PCDHA9: variants seen among roughly 807,000 people sequenced by gnomAD.
The protein encoded by PCDHA9 is protocadherin alpha-9.
PCDHA9 carries 62 observed loss-of-function variants against 62.0 expected under a neutral mutation model. That is an observed-to-expected ratio of 1.00 (90% CI 0.81 to 1.23). The LOEUF (loss-of-function observed/expected upper bound fraction) is 1.23. Ranked by LOEUF, PCDHA9 falls within the 50% of genes most tolerant of loss-of-function variation. The pLI, the probability that PCDHA9 is intolerant of heterozygous loss-of-function variation, is 0.00. For missense variants in PCDHA9, 1,205 were observed against 1,249.8 expected (o/e 0.96, Z 0.54); for synonymous variants, 557 against 567.6 (o/e 0.98, Z 0.27).
intron 1 of PCDHA9, among the ~76,000 whole-genome samples, chr5:140,912,823 G>C (rs2076078264): frequency 6.6e-6 from 1 of 152,090 alleles, no homozygotes; most frequent in Non-Finnish European, 1.5e-5. Context: ...AAGGGATTTT[G>C]AATTTTATTA....
intron 3 of PCDHA9, among the ~76,000 whole-genome samples, chr5:140,997,957 C>T (rs1051643572): frequency 6.6e-5 from 10 of 152,156 alleles, no homozygotes; most frequent in East Asian, 1.9e-4. Context: ...TTGGCATTCA[C>T]GTACCTGTGG....
intron 1 of PCDHA9, chr5:140,928,897 G>C: frequency 6.2e-7 from 1 of 1,614,186 alleles, no homozygotes. Flanking sequence ...AGACTTTGAA[G>C]ATGTCTGGGA....
intron 1 of PCDHA9, chr5:140,871,269 G>C (rs782046462): frequency 5.0e-6 from 8 of 1,613,822 alleles, no homozygotes; most frequent in Admixed American, 1.7e-5. Flanking sequence ...CGCTGTGGTG[G>C]TCGGCAACGC....
At chr5:140,933,721 C>T (rs957167505) in intron 1 of PCDHA9, among the ~76,000 whole-genome samples, 1 of 151,982 alleles carries the variant, frequency 6.6e-6, no homozygotes, top group African/African-American at 2.4e-5. Flanking sequence ...ATTGGTGATA[C>T]AGCTTTCTTA....
chr5:140,940,610 G>A (rs1394761541), intron 1 of PCDHA9, among the ~76,000 whole-genome samples: 1 of 151,836 alleles, frequency 6.6e-6, no homozygotes, highest in Non-Finnish European at 1.5e-5. Context: ...GCTGCTCCTG[G>A]CTCCTGCAAA....
chr5:140,879,687 CA>C (rs1343612878), intron 1 of PCDHA9, among the ~76,000 whole-genome samples: 1 of 152,156 alleles, frequency 6.6e-6, no homozygotes, highest in Non-Finnish European at 1.5e-5. Context: ...TGTAAAACAG[CA>C]AAAGTTTATT....
Position 140,883,352 on chromosome 5 carries a change from G to A in PCDHA9, c.2394+32463G>A, listed in dbSNP as rs1554177776. ...TTCTTTGTCACTCCCCATCAGAGAA[G>A]ACACTCAGCCTAGCGCCATTATTGC... is the stretch of plus-strand genomic sequence containing the variant. On this transcript the variant is annotated intron_variant, in intron 1 of 3. Coordinates refer to ENST00000532602, the MANE Select transcript of PCDHA9 (RefSeq NM_031857.2). The A allele has an allele frequency of 1.9e-6, 3 of 1,614,164 alleles. No homozygotes were observed. In the East Asian group the frequency reaches 6.7e-5, roughly 36 times the overall value.
chr5:140,867,114 G>T (rs567577345), intron 1 of PCDHA9: 1 of 152,168 alleles, frequency 6.6e-6, no homozygotes, highest in Admixed American at 6.5e-5. Context: ...TTAACATATT[G>T]TTTTAATTCA....
intron 1 of PCDHA9, among the ~76,000 whole-genome samples, chr5:140,937,290 G>C (rs890693007): frequency 3.3e-5 from 5 of 152,076 alleles, no homozygotes; most frequent in Non-Finnish European, 7.4e-5. Flanking sequence ...ACCCGCTTCG[G>C]CCTCCCAAAG....
chr5:141,009,539 C>T, intron 3 of PCDHA9, 88 bp from the exon 4 acceptor site: 1 of 1,522,752 alleles, frequency 6.6e-7, no homozygotes, highest in Non-Finnish European at 8.8e-7. Flanking sequence ...TTCAGCCTGC[C>T]TATGCAGTAC....
At chr5:140,929,417 T>C in intron 1 of PCDHA9, 2 of 1,503,568 alleles carry the variant, frequency 1.3e-6, no homozygotes, top group Non-Finnish European at 1.8e-6. Context: ...TTTCACAACA[T>C]TTCATCAATT....
intron 1 of PCDHA9, among the ~76,000 whole-genome samples, chr5:140,939,296 C>T (rs2153640792): frequency 6.6e-6 from 1 of 152,210 alleles, no homozygotes; most frequent in South Asian, 2.1e-4. Flanking sequence ...CTAATCATCT[C>T]TACAAAAGCC....
intron 1 of PCDHA9, chr5:140,853,984 T>A: frequency 1.9e-6 from 1 of 534,780 alleles, no homozygotes; most frequent in Non-Finnish European, 2.5e-6. Context: ...ACCAATGTAG[T>A]GAGACTCATC....
At chr5:140,921,379 T>C (rs1186418255) in intron 1 of PCDHA9, among the ~76,000 whole-genome samples, 1 of 152,180 alleles carries the variant, frequency 6.6e-6, no homozygotes, top group Non-Finnish European at 1.5e-5. Context: ...TTTCTACATA[T>C]TTGATAAACA....
chr5:140,927,093 G>T (rs781998184), intron 1 of PCDHA9: 1 of 1,612,818 alleles, frequency 6.2e-7, no homozygotes, highest in Non-Finnish European at 8.5e-7. Flanking sequence ...TCTACTTCGG[G>T]GTGGATCTAC....
At chr5:140,910,856 C>T (rs548609862) in intron 1 of PCDHA9, among the ~76,000 whole-genome samples, 15 of 152,300 alleles carry the variant, frequency 9.8e-5, no homozygotes, top group Non-Finnish European at 2.2e-4. Flanking sequence ...ATCTATGTTC[C>T]ATCCACCATT....
intron 1 of PCDHA9, among the ~76,000 whole-genome samples, chr5:140,906,751 G>C (rs782384757): frequency 1.3e-5 from 2 of 152,166 alleles, no homozygotes; most frequent in African/African-American, 2.4e-5. Context: ...CACAGGGCAT[G>C]GTAATACTAA....
intron 1 of PCDHA9, among the ~76,000 whole-genome samples, chr5:140,972,262 C>G (rs116021362): frequency 0.021 from 3,220 of 151,618 alleles, 50 homozygotes; most frequent in Non-Finnish European, 0.033. Context: ...ACATCAGCCT[C>G]CTGAGTAGCT....
intron 1 of PCDHA9, among the ~76,000 whole-genome samples, chr5:140,855,023 G>A (rs115040572): frequency 1.3e-5 from 2 of 149,492 alleles, no homozygotes; most frequent in South Asian, 2.1e-4. Flanking sequence ...GAAACTTCTT[G>A]TATAAAGGAT....
Sources: gnomAD v4.1 joint callset for allele counts (sites outside exome capture counted in the v4.1 genomes callset) on GRCh38, gnomAD v4.1.1 for gene constraint, MANE v1.5 for transcripts, NCBI Gene and HGNC (gene_info 2026-07-23, HGNC 2026-07-21) for gene names.